ZNF385D: variants seen among roughly 807,000 people sequenced by gnomAD.
ZNF385D encodes the protein zinc finger protein 385D, also known as zinc finger protein 659.
In ZNF385D, 15 loss-of-function variants were observed where a neutral mutation model predicts 35.8. The ratio of observed to expected loss-of-function variants is 0.42; its 90% CI spans 0.28 to 0.64. ZNF385D has a LOEUF of 0.64. Among genes scored for constraint, ZNF385D ranks in the 30% least tolerant of loss-of-function variants. The probability of loss-of-function intolerance (pLI) is 0.23; values close to 1 mark genes in which losing one functional copy is unlikely to be tolerated. For missense variants in ZNF385D, 474 were observed against 494.6 expected, an observed-to-expected ratio of 0.96 and a Z score of 0.39; for synonymous variants, 212 against 186.8, an observed-to-expected ratio of 1.13 and a Z score of -1.10.
intron 2 of ZNF385D, among the ~76,000 whole-genome samples, chr3:22,244,275 T>G (rs1699647343): frequency 6.7e-6 from 1 of 149,112 alleles, no homozygotes. Flanking sequence ...TGATTTATCT[T>G]GAAATTGTGT....
At chr3:22,093,707 T>C in intron 3 of ZNF385D, among the ~76,000 whole-genome samples, 1 of 152,236 alleles carries the variant, frequency 6.6e-6, no homozygotes, top group Admixed American at 6.5e-5. Context: ...GTTACTACTT[T>C]TATTATTTTT....
intron 3 of ZNF385D, among the ~76,000 whole-genome samples, chr3:22,117,294 A>G (rs906120120): frequency 2.6e-5 from 4 of 152,116 alleles, no homozygotes; most frequent in Non-Finnish European, 5.9e-5. Flanking sequence ...TTTGAGCAAT[A>G]TAACTTCTTA....
intron 4 of ZNF385D, among the ~76,000 whole-genome samples, chr3:21,507,179 T>C (rs1233063008): frequency 1.3e-5 from 2 of 152,128 alleles, no homozygotes; most frequent in Non-Finnish European, 2.9e-5. Context: ...TTTCTGTGAG[T>C]ATTCTTTCTA....
At chr3:21,787,767 A>C (rs2125651243) in intron 3 of ZNF385D, among the ~76,000 whole-genome samples, 1 of 152,188 alleles carries the variant, frequency 6.6e-6, no homozygotes, top group Middle Eastern at 3.4e-3. Context: ...ACAATTGAGG[A>C]TAAAATTCAG....
At chr3:21,796,051 T>C (rs2072136272) in intron 3 of ZNF385D, among the ~76,000 whole-genome samples, 1 of 152,212 alleles carries the variant, frequency 6.6e-6, no homozygotes, top group Non-Finnish European at 1.5e-5. Context: ...AACTCTCAGT[T>C]TCTTCTCCCA....
chr3:21,818,771 A>G (rs1165765705), intron 3 of ZNF385D, among the ~76,000 whole-genome samples: 2 of 152,160 alleles, frequency 1.3e-5, no homozygotes, highest in Admixed American at 6.5e-5. Flanking sequence ...CATTATCCAA[A>G]TATATTTTTG....
chr3:22,199,457 C>G (rs1576483802), intron 2 of ZNF385D, among the ~76,000 whole-genome samples: 1 of 152,040 alleles, frequency 6.6e-6, no homozygotes, highest in Non-Finnish European at 1.5e-5. Flanking sequence ...AGATGTTAGG[C>G]CATGGTAATA....
chr3:22,212,658 G>C (rs1488998177), intron 2 of ZNF385D, among the ~76,000 whole-genome samples: 1 of 151,932 alleles, frequency 6.6e-6, no homozygotes, highest in South Asian at 2.1e-4. Context: ...ATATAAAGAT[G>C]ATTTAGGTGG....
At chr3:21,827,470 G>A (rs1197490166) in intron 3 of ZNF385D, among the ~76,000 whole-genome samples, 1 of 152,146 alleles carries the variant, frequency 6.6e-6, no homozygotes, top group Non-Finnish European at 1.5e-5. Context: ...ATTGACACTT[G>A]TGGACAAGCA....
chr3:22,209,531 A>T (rs1369430927), intron 2 of ZNF385D, among the ~76,000 whole-genome samples: 1 of 151,864 alleles, frequency 6.6e-6, no homozygotes, highest in African/African-American at 2.4e-5. Context: ...TTAGGAAAAA[A>T]ATATAAACAT....
intron 4 of ZNF385D, among the ~76,000 whole-genome samples, chr3:21,437,701 C>CAAAAAAAAAAAAA (rs751739275): frequency 0.035 from 2,687 of 77,012 alleles, 435 homozygotes; most frequent in African/African-American, 0.076. Context: ...AATGCTTATA[C>CAAAAAAAAAAAAA]AAAAAAAAAA....
rs559386174 is a variant in ZNF385D at position 21,437,283 on chromosome 3, T to A, written c.440-80A>T. On this transcript the variant is annotated intron_variant, in intron 4 of 7. Transcript: ENST00000281523. ...CTATTCAGGAATGTATCATGAATAT[T>A]GCATTCTGCTTATAATGATAAGAGC... is the stretch of plus-strand genomic sequence containing the variant. 5 of 1,291,014 alleles carry A rather than the reference T, an allele frequency of 3.9e-6. No individual in the cohort carries two copies. In the Admixed American group the frequency reaches 1.2e-4, roughly 30 times the overall value. The allele number at this position is 1,291,014 out of a possible 1,614,324, so 80.0% of individuals were successfully genotyped here.
At chr3:21,868,043 C>T (rs930336709) in intron 3 of ZNF385D, among the ~76,000 whole-genome samples, 2 of 152,060 alleles carry the variant, frequency 1.3e-5, no homozygotes, top group African/African-American at 4.8e-5. Context: ...AAAATATATG[C>T]ATATATGTAT....
In ZNF385D at chr3:22,179,557, T is replaced by C. The variant is rs1425421466; in HGVS notation, c.107-10522A>G. Among the ~76,000 whole-genome samples, 5 of 152,202 alleles carry C rather than the reference T, an allele frequency of 3.3e-5. 1 individual carries two copies. Among genetic ancestry groups the C allele is most frequent in the African/African-American group, 7.2e-5 (3 of 41,462 alleles). ...ACAGGGACAATCTGACTTCCTCTTT[T>C]CCTAATTGAATACCCTTTATTTCCT... On this transcript the variant is annotated intron_variant, in intron 2 of 5. Coordinates refer to the ZNF385D transcript ENST00000494108.
chr3:21,932,740 C>T (rs1434548546), intron 3 of ZNF385D, among the ~76,000 whole-genome samples: 2 of 151,918 alleles, frequency 1.3e-5, no homozygotes, highest in Non-Finnish European at 2.9e-5. Context: ...TGAACAGATT[C>T]TAAAAAGCCA....
chr3:22,018,929 TTGAA>T (rs1399239999), intron 3 of ZNF385D, among the ~76,000 whole-genome samples: 21 of 151,926 alleles, frequency 1.4e-4, no homozygotes, highest in Admixed American at 6.6e-4. Flanking sequence ...GAGTACAGGA[TTGAA>T]CGTGCAATTC....
At chr3:21,568,043 T>C (rs1363513645) in intron 2 of ZNF385D, among the ~76,000 whole-genome samples, 2 of 151,658 alleles carry the variant, frequency 1.3e-5, no homozygotes, top group Non-Finnish European at 2.9e-5. Context: ...ACAATTTTAT[T>C]TCCCAGAATA....
At chr3:21,610,743 C>A (rs2064648288) in intron 2 of ZNF385D, among the ~76,000 whole-genome samples, 1 of 151,428 alleles carries the variant, frequency 6.6e-6, no homozygotes, top group African/African-American at 2.4e-5. Context: ...CCACTGCACT[C>A]CAGTCTGGGC....
intron 2 of ZNF385D, among the ~76,000 whole-genome samples, chr3:22,230,498 T>C (rs1435253060): frequency 6.6e-6 from 1 of 152,064 alleles, no homozygotes; most frequent in Non-Finnish European, 1.5e-5. Flanking sequence ...AGGATTCCAC[T>C]CCAAGGTCAT....
Sources: gnomAD v4.1 joint callset for allele counts (sites outside exome capture counted in the v4.1 genomes callset) on GRCh38, gnomAD v4.1.1 for gene constraint, MANE v1.5 for transcripts, NCBI Gene and HGNC (gene_info 2026-07-23, HGNC 2026-07-21) for gene names.